Variants in DNAH17 observed in about 807,000 individuals in gnomAD.
The protein encoded by DNAH17 is axonemal beta dynein heavy chain 17.
Under a neutral mutation model 485.6 loss-of-function variants are expected in DNAH17, and 376 were observed. The ratio of observed to expected loss-of-function variants is 0.77; its 90% confidence interval spans 0.71 to 0.84. DNAH17 has a LOEUF of 0.84. DNAH17 is among the 40% of genes least tolerant of loss of function. The probability of loss-of-function intolerance (pLI) is 0.00; values close to 1 mark genes in which losing one functional copy is unlikely to be tolerated. For missense variants in DNAH17, 6,370 were observed against 5,839.3 expected, an observed-to-expected ratio of 1.09 and a Z score of -2.96; for synonymous variants, 3,031 against 2,405.9, an observed-to-expected ratio of 1.26 and a Z score of -7.60.
Position 78,502,504 on chromosome 17 carries a change from G to A in DNAH17, c.5190+87C>T, listed in dbSNP as rs891755576. On this transcript the variant is annotated intron_variant, in intron 33 of 80. Transcript: ENST00000389840. ...AAGAAGCCGCTCCAGGTACTCGCCC[G>A]GCAGGTTTCAGAAGGATACACGGGC... is the stretch of plus-strand genomic sequence containing the variant. The A allele has an allele frequency of 1.6e-5, 20 of 1,270,596 alleles. No individual in the cohort carries two copies. The African/African-American group carries it at 2.0e-4, about 13-fold the overall frequency. 78.7% of individuals were successfully genotyped at this position (1,270,596 alleles called of 1,614,324 possible).
chr17:78,571,016 C>T lies in DNAH17; in HGVS notation c.850G>A (p.Asp284Asn), dbSNP rs780254027. 3.7e-5 allele frequency: 58 copies of T among 1,574,768 alleles called. No homozygotes were observed. In the East Asian group the frequency reaches 1.1e-3, roughly 31 times the overall value. Residue 284 changes from aspartate (D) to asparagine (N), a missense_variant, in exon 6 of 81, where the codon GAC becomes AAC. Physicochemically the swap from Asp to Asn is conservative, Grantham distance 23. Coordinates refer to ENST00000389840, the MANE Select transcript of DNAH17 (RefSeq NM_173628.4). The stretch of plus-strand genomic sequence containing the variant: ...AGGGGCTTCAAATAGAGCACGATGT[C>T]GTTGGCTTCCTTCAGCCCTGCACGG... ...NVTEGLKEAN[D>N]IVLYLKPLRI...
intron 38 of DNAH17, among the ~76,000 whole-genome samples, chr17:78,495,427 T>C (rs547595148): frequency 2.1e-5 from 3 of 140,126 alleles, no homozygotes; most frequent in African/African-American, 8.3e-5. Context: ...GCCTGCCTCA[T>C]CCTGGGAGTG....
intron 27 of DNAH17, 49 bp from the exon 28 acceptor site, chr17:78,507,854 G>A: frequency 6.9e-7 from 1 of 1,459,628 alleles, no homozygotes; most frequent in Non-Finnish European, 9.1e-7. Flanking sequence ...GGCATGCAAA[G>A]CTCAGGCAGG....
intron 18 of DNAH17, among the ~76,000 whole-genome samples, chr17:78,538,327 A>G (rs995413987): frequency 1.3e-5 from 2 of 152,142 alleles, no homozygotes; most frequent in Non-Finnish European, 2.9e-5. Flanking sequence ...GCAGGGCTGC[A>G]GGTGCTGCTC....
Position 78,539,958 on chromosome 17 carries a change from TG to T in DNAH17, c.2533-79del, listed in dbSNP as rs1200271008. ...TTGATCACACTGTTTAGTGCCTCTCTGGACCGCCCGTCCATGTTCACACGCC... is the reference window on the plus strand; with the variant it reads ...TTGATCACACTGTTTAGTGCCTCTCTGACCGCCCGTCCATGTTCACACGCC... On this transcript the variant is annotated intron_variant, in intron 17 of 80. Transcript: ENST00000389840. The T allele has an allele frequency of 1.4e-5, 20 of 1,392,610 alleles. No homozygotes were observed. The Admixed American group carries it at 5.7e-4, about 39-fold the overall frequency. 86.3% of individuals were successfully genotyped at this position (1,392,610 alleles called of 1,614,324 possible).
chr17:78,502,366 A>C, intron 33 of DNAH17: 1 of 429,906 alleles, frequency 2.3e-6, no homozygotes, highest in Admixed American at 4.2e-5. Flanking sequence ...GAGAAATCAA[A>C]GTACATATTT....
chr17:78,484,030 A>C (rs1461340167), intron 48 of DNAH17, among the ~76,000 whole-genome samples: 1 of 125,122 alleles, frequency 8.0e-6, no homozygotes, highest in Non-Finnish European at 1.6e-5. Flanking sequence ...CAGGAGGCGG[A>C]GGTTGCAGTA....
At chr17:78,457,953 G>A (rs946606040) in intron 62 of DNAH17, among the ~76,000 whole-genome samples, 3 of 152,144 alleles carry the variant, frequency 2.0e-5, no homozygotes, top group African/African-American at 4.8e-5. Flanking sequence ...GAGCCACTGC[G>A]CCCAGCTAGT....
chr17:78,541,199 G>A lies in DNAH17; in HGVS notation c.2533-1319C>T, dbSNP rs1275737245. ...ATGGGTGGGTGAGCGGGGTGGGGGGGTGAGCGGATGGGTGGGTGGGGGGGT... is the reference window on the plus strand; with the variant it reads ...ATGGGTGGGTGAGCGGGGTGGGGGGATGAGCGGATGGGTGGGTGGGGGGGT... On this transcript the variant is annotated intron_variant, in intron 17 of 80. Coordinates refer to ENST00000389840, the MANE Select transcript of DNAH17 (RefSeq NM_173628.4). Among the ~76,000 whole-genome samples, 19 of 8,858 alleles carry A rather than the reference G, an allele frequency of 2.1e-3. 5 individuals carry two copies. The highest frequency in any genetic ancestry group is 1.0e-2 in the African/African-American group (11 of 1,102). The allele number at this position is 8,858 out of a possible 152,430, so 5.8% of individuals were successfully genotyped here.
intron 52 of DNAH17, 65 bp downstream of exon 52, chr17:78,476,507 C>A: frequency 6.6e-7 from 1 of 1,524,872 alleles, no homozygotes. Flanking sequence ...TCTCATTGGC[C>A]GCCGACACTC....
intron 25 of DNAH17, among the ~76,000 whole-genome samples, chr17:78,524,401 G>T (rs2143228547): frequency 1.3e-5 from 2 of 152,264 alleles, no homozygotes; most frequent in Non-Finnish European, 2.9e-5. Context: ...GCCTCCCAAA[G>T]TGCTGAGATT....
chr17:78,500,242 G>A (rs1256075072), intron 36 of DNAH17, 63 bp downstream of exon 36: 2 of 1,519,790 alleles, frequency 1.3e-6, no homozygotes, highest in East Asian at 2.4e-5. Context: ...GGAGGACAGG[G>A]TGCTAGGATC....
In DNAH17 at chr17:78,445,560, T is replaced by C; in HGVS notation, c.11332A>G (p.Lys3778Glu). 6.4e-7 allele frequency: 1 copy of C among 1,561,870 alleles called. No homozygotes were observed. Among genetic ancestry groups the C allele is most frequent in the Non-Finnish European group, 8.7e-7 (1 of 1,152,590 alleles). ...GTGTTCAACGTCTAAAGACGAACCT[T>C]GATCCCGCCCCAGCCTTGATGCTGG... ...FLQHQGWGGIKALSEMDEFKN... is the reference protein window; with the variant it reads ...FLQHQGWGGIEALSEMDEFKN... Residue 3778 changes from lysine (K) to glutamate (E), a missense_variant and splice_region_variant, in exon 70 of 81, where the codon AAG becomes GAG. Physicochemically the swap from Lys to Glu is moderately conservative, Grantham distance 56. Coordinates refer to ENST00000389840, the MANE Select transcript of DNAH17 (RefSeq NM_173628.4).
chr17:78,475,418 C>G lies in DNAH17; in HGVS notation c.8371G>C (p.Glu2791Gln). ...AHICRINRIL[E>Q]SPRGNALLVG... ...AGCAGGGCATTCCCCCGGGGAGACT[C>G]CAGGATGCGATTAATCCTGCAGATG... The change falls in exon 54 of 81, where the codon GAG becomes CAG. Residue 2791 changes from glutamate (E) to glutamine (Q), a missense_variant. By Grantham distance (29) the Glu-to-Gln change is conservative (BLOSUM62 2). Coordinates refer to ENST00000389840, the MANE Select transcript of DNAH17 (RefSeq NM_173628.4). 6.2e-7 allele frequency: 1 copy of G among 1,613,932 alleles called. No homozygotes were observed. Among genetic ancestry groups the G allele is most frequent in the South Asian group, 1.1e-5 (1 of 91,082 alleles).
rs1005493553 is a variant in DNAH17, at chr17:78,468,641, G to C, written c.8754C>G (p.Ile2918Met). The change falls in exon 55 of 81, where the codon ATC becomes ATG. Residue 2918 changes from isoleucine (I) to methionine (M), a missense_variant. Coordinates refer to ENST00000389840, the MANE Select transcript of DNAH17 (RefSeq NM_173628.4). ...DTRETCWKFF[I>M]EKVRRQLKVI... is the part of the protein sequence containing the mutation. ...CCTTGAGCTGTCTGCGCACTTTTTC[G>C]ATGAAGAACTTCCAACATGTTTCCC... 1 of 1,613,524 alleles carries C rather than the reference G, an allele frequency of 6.2e-7. No homozygotes were observed. The highest frequency in any genetic ancestry group is 8.5e-7 in the Non-Finnish European group (1 of 1,179,682).
chr17:78,491,416 G>A (rs1465190886), intron 43 of DNAH17, 27 bp downstream of exon 43: 7 of 1,608,430 alleles, frequency 4.4e-6, no homozygotes, highest in African/African-American at 1.3e-5. Flanking sequence ...GGGTGGCCTT[G>A]GGGCTTAGAG....
At position 78,475,830 on chromosome 17, in the gene DNAH17, G is replaced by T; in HGVS notation, c.8158C>A (p.Leu2720Ile). 1 of 1,606,364 alleles carries T rather than the reference G, an allele frequency of 6.2e-7. No individual in the cohort carries two copies. Among genetic ancestry groups the T allele is most frequent in the Non-Finnish European group, 8.5e-7 (1 of 1,177,776 alleles). Residue 2720 changes from leucine to isoleucine, a missense_variant, in exon 53 of 81, where the codon CTT becomes ATT. Coordinates refer to ENST00000389840, the MANE Select transcript of DNAH17 (RefSeq NM_173628.4). The part of the protein sequence containing the change: ...MASTKKFFDD[L>I]GDELLFAKPN... ...TTGGCAAATAAGAGTTCATCACCAA[G>T]ATCCTAGAAAAAGAAAAAAAAAGAC...
intron 55 of DNAH17, among the ~76,000 whole-genome samples, chr17:78,467,425 G>A (rs1454270455): frequency 6.6e-6 from 1 of 152,236 alleles, no homozygotes; most frequent in South Asian, 2.1e-4. Flanking sequence ...ACTGCGTGAT[G>A]ACGTGAGGGT....
Position 78,492,669 on chromosome 17 carries a change from C to G in DNAH17, c.6505G>C (p.Gly2169Arg). Residue 2169 changes from glycine to arginine, a missense_variant, in exon 42 of 81, where the codon GGC becomes CGC. Coordinates refer to ENST00000389840, the MANE Select transcript of DNAH17 (RefSeq NM_173628.4). ...PKAVTCDELFGIINPVTREWK... is the reference protein window; with the variant it reads ...PKAVTCDELFRIINPVTREWK... ...TCCCTGGTCACTGGGTTGATGATGCCAAAGAGCTCGTCGCAGGTGACGGCC... is the reference window on the plus strand; with the variant it reads ...TCCCTGGTCACTGGGTTGATGATGCGAAAGAGCTCGTCGCAGGTGACGGCC... 6.2e-7 allele frequency: 1 copy of G among 1,613,748 alleles called. No individual in the cohort carries two copies.
Sources: allele counts gnomAD v4.1 joint callset (sites outside exome capture counted in the v4.1 genomes callset), GRCh38; gene constraint gnomAD v4.1.1; transcripts MANE v1.5; gene names NCBI Gene and HGNC (gene_info 2026-07-23, HGNC 2026-07-21).